The following ARHGEF3 variants were observed in gnomAD, a reference collection of about 807,000 sequenced individuals.
The protein encoded by ARHGEF3 is Rho guanine nucleotide exchange factor 3, also known as 59.8 kDA protein.
A neutral mutation model predicts 63.2 loss-of-function variants in ARHGEF3; 28 were observed. The ratio of observed to expected loss-of-function variants is 0.44; its 90% CI spans 0.33 to 0.61. The LOEUF (loss-of-function observed/expected upper bound fraction) is 0.61. Ranked by LOEUF, ARHGEF3 falls within the 20% of genes least tolerant of loss-of-function variation. ARHGEF3 has a pLI of 0.03. For synonymous variants in ARHGEF3, 266 were observed against 254.2 expected (o/e 1.05, Z -0.44); for missense variants, 533 against 659.3 (o/e 0.81, Z 2.10).
At chr3:56,767,410 G>A (rs897803249) in intron 2 of ARHGEF3, among the ~76,000 whole-genome samples, 1 of 151,262 alleles carries the variant, frequency 6.6e-6, no homozygotes, top group Non-Finnish European at 1.5e-5. Flanking sequence ...GTGAAACCCC[G>A]TCTCTACTAA....
At chr3:57,064,350 G>A (rs927786837) in intron 1 of ARHGEF3, among the ~76,000 whole-genome samples, 3 of 151,334 alleles carry the variant, frequency 2.0e-5, no homozygotes, top group Non-Finnish European at 2.9e-5. Context: ...TGGAGACAGG[G>A]TTTCCCTCTG....
rs540118946 is a variant in ARHGEF3 at position 56,761,967 on chromosome 3, T to C, written c.205-6816A>G. ...AGTTTACTTCTTGGCCTGTAGAAAGTTTCTCAACCTGGCCACCACAACATT... is the reference window on the plus strand; with the variant it reads ...AGTTTACTTCTTGGCCTGTAGAAAGCTTCTCAACCTGGCCACCACAACATT... On this transcript the variant is annotated intron_variant, in intron 2 of 9. Coordinates refer to ENST00000296315, the MANE Select transcript of ARHGEF3 (RefSeq NM_019555.3). Among the ~76,000 whole-genome samples the C allele has an allele frequency of 8.5e-5, 13 of 152,276 alleles. No individual in the cohort carries two copies. In the South Asian group the frequency reaches 2.7e-3, roughly 32 times the overall value.
At chr3:56,822,936 G>A (rs2038573339) in intron 4 of ARHGEF3, among the ~76,000 whole-genome samples, 1 of 152,120 alleles carries the variant, frequency 6.6e-6, no homozygotes, top group Non-Finnish European at 1.5e-5. Context: ...TTAAAAAGGG[G>A]AGAGGTAATG....
intron 1 of ARHGEF3, chr3:56,774,988 G>T: frequency 6.7e-7 from 1 of 1,492,870 alleles, no homozygotes; most frequent in South Asian, 1.3e-5. Flanking sequence ...CAAAGACAAA[G>T]AGAAGAGTTA....
intron 4 of ARHGEF3, among the ~76,000 whole-genome samples, chr3:56,836,649 G>C (rs1194020451): frequency 1.3e-5 from 2 of 152,218 alleles, no homozygotes; most frequent in African/African-American, 4.8e-5. Flanking sequence ...CTGTGGGCCA[G>C]GCGCAGTAGC....
At chr3:56,779,081 A>G (rs912717642) in intron 1 of ARHGEF3, among the ~76,000 whole-genome samples, 2 of 152,178 alleles carry the variant, frequency 1.3e-5, no homozygotes, top group South Asian at 4.1e-4. Context: ...GTCAGGCTCC[A>G]GTAGATGGCA....
upstream of ARHGEF3, chr3:56,802,039 T>A: frequency 7.3e-7 from 1 of 1,374,140 alleles, no homozygotes; most frequent in Non-Finnish European, 9.4e-7. Context: ...CGCCCCACGC[T>A]GCCGGGAGGG....
intron 4 of ARHGEF3, among the ~76,000 whole-genome samples, chr3:56,807,960 C>G (rs1410416895): frequency 6.6e-6 from 1 of 151,890 alleles, no homozygotes; most frequent in African/African-American, 2.4e-5. Context: ...CCCGTCTCTA[C>G]TAAAAATACG....
intron 3 of ARHGEF3, among the ~76,000 whole-genome samples, chr3:56,882,568 C>T (rs548285482): frequency 1.5e-4 from 20 of 130,716 alleles, no homozygotes; most frequent in African/African-American, 2.1e-4. Flanking sequence ...GGCTGGGGTG[C>T]GGTGCGGTGG....
At chr3:56,874,042 A>T (rs1404321349) in intron 4 of ARHGEF3, among the ~76,000 whole-genome samples, 1 of 152,212 alleles carries the variant, frequency 6.6e-6, no homozygotes, top group Non-Finnish European at 1.5e-5. Flanking sequence ...AAGATAAAAG[A>T]TCACAGCAAC....
intron 1 of ARHGEF3, among the ~76,000 whole-genome samples, chr3:57,048,245 C>A (rs1704539892): frequency 6.6e-6 from 1 of 152,186 alleles, no homozygotes; most frequent in Non-Finnish European, 1.5e-5. Flanking sequence ...CCACAGTGCA[C>A]ATGAGAAATG....
intron 4 of ARHGEF3, among the ~76,000 whole-genome samples, chr3:56,875,181 T>G (rs766081506): frequency 2.0e-5 from 3 of 152,108 alleles, no homozygotes; most frequent in Non-Finnish European, 4.4e-5. Flanking sequence ...AAATGTATAG[T>G]AGCACAGTGC....
At chr3:56,931,396 C>T (rs1297622199) in intron 3 of ARHGEF3, among the ~76,000 whole-genome samples, 1 of 151,676 alleles carries the variant, frequency 6.6e-6, no homozygotes, top group Non-Finnish European at 1.5e-5. Context: ...GGCAACATGG[C>T]AAAACCCTGT....
chr3:56,995,882 G>A (rs957993770), intron 2 of ARHGEF3, among the ~76,000 whole-genome samples: 3 of 152,132 alleles, frequency 2.0e-5, no homozygotes, highest in African/African-American at 4.8e-5. Flanking sequence ...GTTTAAAATG[G>A]AAATAGGCTA....
intron 4 of ARHGEF3, among the ~76,000 whole-genome samples, chr3:56,860,620 T>C (rs773483815): frequency 2.6e-5 from 4 of 152,248 alleles, no homozygotes; most frequent in Non-Finnish European, 5.9e-5. Context: ...AAGTAACTGC[T>C]GATATTGCTG....
At chr3:56,967,531 T>C (rs1205952033) in intron 2 of ARHGEF3, among the ~76,000 whole-genome samples, 1 of 90,536 alleles carries the variant, frequency 1.1e-5, no homozygotes, top group Non-Finnish European at 1.9e-5. Context: ...ATTATATGTA[T>C]AATATATTAC....
chr3:56,985,421 A>G (rs925221759), intron 2 of ARHGEF3, among the ~76,000 whole-genome samples: 2 of 152,252 alleles, frequency 1.3e-5, no homozygotes, highest in Non-Finnish European at 2.9e-5. Context: ...TGGAATACAC[A>G]TTCTCTTTAA....
chr3:56,880,935 T>A (rs1221414369), intron 4 of ARHGEF3, among the ~76,000 whole-genome samples: 1 of 152,104 alleles, frequency 6.6e-6, no homozygotes, highest in African/African-American at 2.4e-5. Context: ...AAACACCACA[T>A]GGTAAAACAG....
At chr3:56,763,333 C>T (rs574026643) in intron 2 of ARHGEF3, among the ~76,000 whole-genome samples, 14 of 152,274 alleles carry the variant, frequency 9.2e-5, no homozygotes, top group African/African-American at 2.4e-4. Flanking sequence ...CTTGTTTATA[C>T]GTGCTTTCAT....
Sources: allele counts gnomAD v4.1 joint callset (sites outside exome capture counted in the v4.1 genomes callset), GRCh38; gene constraint gnomAD v4.1.1; transcripts MANE v1.5; gene names NCBI Gene and HGNC (gene_info 2026-07-23, HGNC 2026-07-21).